The following FKBP11 variants were observed in gnomAD, a reference collection of about 807,000 sequenced individuals.
The protein encoded by FKBP11 is FKBP prolyl isomerase 11.
In FKBP11, 21 loss-of-function variants were observed where a neutral mutation model predicts 24.7. The ratio of observed to expected loss-of-function variants is 0.85; its 90% CI spans 0.60 to 1.23. The LOEUF is 1.23. Among genes scored for constraint, FKBP11 ranks in the 50% most tolerant of loss-of-function variants. FKBP11 has a pLI of 0.00. For missense variants in FKBP11, 245 were observed against 248.7 expected, an observed-to-expected ratio of 0.99 and a Z score of 0.10; for synonymous variants, 106 against 100.6, an observed-to-expected ratio of 1.05 and a Z score of -0.32.
intron 5 of FKBP11, chr12:48,922,881 G>T: frequency 9.6e-7 from 1 of 1,046,024 alleles, no homozygotes; most frequent in Non-Finnish European, 1.2e-6. Flanking sequence ...AGGCGCGGTG[G>T]CTCATGCCTG....
the FKBP11 span, chr12:48,938,311 C>T: frequency 2.2e-6 from 1 of 447,658 alleles, no homozygotes; most frequent in South Asian, 1.6e-5. Context: ...GGCAGTCCGG[C>T]TTGACTAATG....
chr12:48,924,236 C>G lies in FKBP11; in HGVS notation c.304G>C (p.Asp102His). 6.2e-7 allele frequency: 1 copy of G among 1,614,156 alleles called. No homozygotes were observed. Among genetic ancestry groups the G allele is most frequent in the Non-Finnish European group, 8.5e-7 (1 of 1,180,028 alleles). The change falls in exon 4 of 6, where the codon GAC (aspartate) becomes CAC (histidine). Residue 102 changes from aspartate to histidine, a missense_variant. Asp to His is a moderately conservative substitution (Grantham distance 81). Coordinates refer to ENST00000550765, the MANE Select transcript of FKBP11 (RefSeq NM_016594.3). ...CGAGATACTCACCCCACACACATGT[C>G]GAGAAGACTCTGCTCCAGACCTTGA... The part of the protein sequence containing the change: ...VIPGLEQSLL[D>H]MCVGEKRRAI...
intron 3 of FKBP11, 30 bp downstream of exon 3, chr12:48,924,531 G>T: frequency 6.3e-7 from 1 of 1,588,250 alleles, no homozygotes; most frequent in Non-Finnish European, 8.6e-7. Context: ...AGGTTGGGAA[G>T]AGGTGGAATG....
upstream of FKBP11, chr12:48,931,470 C>T: frequency 4.6e-6 from 7 of 1,535,686 alleles, no homozygotes; most frequent in Non-Finnish European, 6.1e-6. Flanking sequence ...TTCCTTGGAT[C>T]AAGTTAGAAG....
At chr12:48,925,252 C>G (rs1408576762) in intron 1 of FKBP11, 48 bp downstream of exon 1, 1 of 1,602,362 alleles carries the variant, frequency 6.2e-7, no homozygotes, top group Non-Finnish European at 8.5e-7. Flanking sequence ...TATTACCACC[C>G]AACAAGGCTC....
At chr12:48,938,437 C>G in the FKBP11 span, 1 of 454,008 alleles carries the variant, frequency 2.2e-6, no homozygotes, top group Non-Finnish European at 4.4e-6. Context: ...CCCGCTCCCC[C>G]CGGCCCCCAC....
intron 2 of FKBP11, 177 bp from the exon 3 acceptor site, chr12:48,924,825 C>G (rs536402569): frequency 6.9e-7 from 1 of 1,447,160 alleles, no homozygotes; most frequent in East Asian, 2.5e-5. Context: ...GGAGATCTCT[C>G]CACCCTGCAC....
chr12:48,933,816 G>A, the FKBP11 span, among the ~76,000 whole-genome samples: 4 of 151,670 alleles, frequency 2.6e-5, no homozygotes, highest in East Asian at 1.9e-4. Flanking sequence ...ACAGTGAGCC[G>A]AGATCACGCC....
At chr12:48,927,994 C>T (rs1326981842), upstream of FKBP11, among the ~76,000 whole-genome samples, 8 of 146,904 alleles carry the variant, frequency 5.4e-5, no homozygotes, top group African/African-American at 2.0e-4. Context: ...CAATCTGTAA[C>T]TGGCCGTGAA....
upstream of FKBP11, chr12:48,931,342 G>A (rs932966653): frequency 7.6e-7 from 1 of 1,316,710 alleles, no homozygotes; most frequent in Non-Finnish European, 1.1e-6. Flanking sequence ...AAGGGGAAGA[G>A]GAGTGGAGTA....
chr12:48,924,120 G>C (rs1939898954), intron 4 of FKBP11, 103 bp downstream of exon 4: 1 of 1,367,140 alleles, frequency 7.3e-7, no homozygotes, highest in Non-Finnish European at 1.0e-6. Context: ...TGGGAAGCAG[G>C]GTCCTTTATT....
chr12:48,935,419 T>C, the FKBP11 span, among the ~76,000 whole-genome samples: 1 of 152,108 alleles, frequency 6.6e-6, no homozygotes, highest in African/African-American at 2.4e-5. Flanking sequence ...ACCTCTGTCC[T>C]CAAAGCTTAA....
At chr12:48,936,145 C>T in the FKBP11 span, 2 of 152,488 alleles carry the variant, frequency 1.3e-5, no homozygotes, top group African/African-American at 4.8e-5. Flanking sequence ...AACAGGACTC[C>T]CCTCACCATG....
the FKBP11 span, chr12:48,938,486 A>C: frequency 1.1e-5 from 5 of 448,956 alleles, no homozygotes; most frequent in Middle Eastern, 6.7e-4. Context: ...AGGCGCACAC[A>C]TGCACGCAAA....
Position 48,923,159 on chromosome 12 carries a change from A to AG in FKBP11, c.388+622_388+623insC, listed in dbSNP as rs1565699920. On this transcript the variant is annotated intron_variant, in intron 5 of 5. Coordinates refer to ENST00000550765, the MANE Select transcript of FKBP11 (RefSeq NM_016594.3). ...GTGAAACTCCATCTCAAAAAAAAAA[A>AG]AAGAATTACGAGCCCAATACTCTGT... is the stretch of plus-strand genomic sequence containing the variant. The AG allele has an allele frequency of 4.6e-4, 501 of 1,092,786 alleles. 1 individual carries two copies. The highest frequency in any genetic ancestry group is 1.5e-3 in the East Asian group (21 of 13,656). The allele number at this position is 1,092,786 out of a possible 1,614,324, so 67.7% of individuals were successfully genotyped here. A position where few individuals can be genotyped will look rare whatever the true frequency, so the allele number is the denominator to read the frequency against.
chr12:48,938,480 G>A, the FKBP11 span: 109 of 449,146 alleles, frequency 2.4e-4, no homozygotes, highest in Non-Finnish European at 3.9e-4. Context: ...ATATACAGGC[G>A]CACACATGCA....
the FKBP11 span, chr12:48,938,708 T>C: frequency 1.8e-6 from 1 of 560,566 alleles, no homozygotes; most frequent in Non-Finnish European, 3.2e-6. Context: ...GTAACAACTT[T>C]TTGTTTTAAA....
the FKBP11 span, chr12:48,936,876 G>A: frequency 6.6e-6 from 1 of 152,306 alleles, no homozygotes; most frequent in Non-Finnish European, 1.5e-5. Context: ...GGAAGGAGAG[G>A]CAATGGGGCA....
At chr12:48,934,840 C>T in the FKBP11 span, among the ~76,000 whole-genome samples, 1 of 151,686 alleles carries the variant, frequency 6.6e-6, no homozygotes, top group East Asian at 1.9e-4. Context: ...ATGGAGAAAC[C>T]CATCTCTACT....
Sources: gnomAD v4.1 joint callset for allele counts (sites outside exome capture counted in the v4.1 genomes callset) on GRCh38, gnomAD v4.1.1 for gene constraint, MANE v1.5 for transcripts, NCBI Gene and HGNC (gene_info 2026-07-23, HGNC 2026-07-21) for gene names.